The following ARHGAP32 variants were observed in gnomAD, a reference collection of about 807,000 sequenced individuals.
ARHGAP32 encodes rho GTPase-activating protein 32.
In ARHGAP32, 51 loss-of-function variants were observed where a neutral mutation model predicts 186.5. The ratio of observed to expected loss-of-function variants is 0.27; its 90% CI spans 0.22 to 0.35. ARHGAP32 has a LOEUF of 0.35. Ranked by LOEUF, ARHGAP32 falls within the 10% of genes least tolerant of loss-of-function variation. The pLI is 1.00. For missense variants in ARHGAP32, 2,186 were observed against 2,623.5 expected, an observed-to-expected ratio of 0.83 and a Z score of 3.64; for synonymous variants, 950 against 964.3, an observed-to-expected ratio of 0.99 and a Z score of 0.27.
At position 129,101,203 on chromosome 11, in the gene ARHGAP32, GA is replaced by G. The variant is rs906629751; in HGVS notation, c.445-7497del. On this transcript the variant is annotated intron_variant, in intron 5 of 22. Coordinates refer to ENST00000682385, the MANE Select transcript of ARHGAP32 (RefSeq NM_001378024.1). ...AGGTCATCAAATAGGATAAAAGGGG[GA>G]AAAAAAACATCCAAAGGCCAGCAAC... Among the ~76,000 whole-genome samples, 229 of 151,406 alleles carry G rather than the reference GA, an allele frequency of 1.5e-3. 1 individual carries two copies. The highest frequency in any genetic ancestry group is 5.0e-3 in the African/African-American group (207 of 41,282).
chr11:128,973,853 G>T (rs1205146793), intron 21 of ARHGAP32: 8 of 536,996 alleles, frequency 1.5e-5, no homozygotes, highest in Non-Finnish European at 2.3e-5. Flanking sequence ...CAAGAGCTAC[G>T]CAGTTGTGCA....
chr11:129,163,290 T>C (rs1452001346), intron 2 of ARHGAP32, among the ~76,000 whole-genome samples: 1 of 152,174 alleles, frequency 6.6e-6, no homozygotes, highest in Non-Finnish European at 1.5e-5. Context: ...CACTGACTCT[T>C]AACCACAGTT....
chr11:129,055,763 C>T (rs1360959993), intron 10 of ARHGAP32, among the ~76,000 whole-genome samples: 2 of 152,026 alleles, frequency 1.3e-5, no homozygotes, highest in Non-Finnish European at 2.9e-5. Context: ...GTGAAGGGTT[C>T]AGCAGGAAAG....
Position 129,123,030 on chromosome 11 carries a change from A to G in ARHGAP32, c.444+416T>C, listed in dbSNP as rs1942571102. On this transcript the variant is annotated intron_variant, in intron 5 of 22. Coordinates refer to ENST00000682385, the MANE Select transcript of ARHGAP32 (RefSeq NM_001378024.1). This position sits in a 1 kb window ranked among gnomAD's most constrained non-coding sequence, Gnocchi z 4.6. ...GATTCAATAATTTGTATGTGAATGAAAAGGCAGTAACAGTAAAAACATTTC... is the reference window on the plus strand; with the variant it reads ...GATTCAATAATTTGTATGTGAATGAGAAGGCAGTAACAGTAAAAACATTTC... 6.6e-6 allele frequency among the ~76,000 whole-genome samples: 1 copy of G among 152,256 alleles called. No homozygotes were observed. The highest frequency in any genetic ancestry group is 2.4e-5 in the African/African-American group (1 of 41,552).
chr11:128,986,145 CT>C, intron 14 of ARHGAP32, 60 bp from the exon 15 acceptor site: 1 of 1,317,818 alleles, frequency 7.6e-7, no homozygotes, highest in Non-Finnish European at 1.1e-6. Context: ...TGAAAGTTCA[CT>C]TACAATTCAG....
At chr11:129,278,971 G>A (rs1945572241) in intron 1 of ARHGAP32, among the ~76,000 whole-genome samples, 1 of 147,662 alleles carries the variant, frequency 6.8e-6, no homozygotes, top group Non-Finnish European at 1.5e-5. Context: ...CGGGAGGCCG[G>A]GGAGATGGGG....
chr11:129,062,524 T>C (rs1940542575), intron 9 of ARHGAP32, among the ~76,000 whole-genome samples, 167 bp from the exon 10 acceptor site: 1 of 152,206 alleles, frequency 6.6e-6, no homozygotes, highest in South Asian at 2.1e-4. Context: ...TTTAATTATC[T>C]TATGATTTGT....
At chr11:129,151,890 G>A (rs1277678948) in intron 2 of ARHGAP32, among the ~76,000 whole-genome samples, 1 of 151,938 alleles carries the variant, frequency 6.6e-6, no homozygotes, top group African/African-American at 2.4e-5. Context: ...AAATGAAGTG[G>A]AAACAACAAC....
intron 6 of ARHGAP32, among the ~76,000 whole-genome samples, chr11:129,084,347 G>GAA (rs1261258553): frequency 1.4e-4 from 10 of 73,702 alleles, no homozygotes; most frequent in African/African-American, 2.5e-4. Flanking sequence ...TAAGAAAAAA[G>GAA]AAAAAAAAAA....
chr11:129,115,774 T>C (rs1366828817), intron 5 of ARHGAP32, among the ~76,000 whole-genome samples: 2 of 151,972 alleles, frequency 1.3e-5, no homozygotes, highest in African/African-American at 4.8e-5. Context: ...GTTTTCTCTC[T>C]CCCCCAAGCC....
At chr11:129,220,139 A>ATCC (rs1944693868) in intron 1 of ARHGAP32, among the ~76,000 whole-genome samples, 1 of 152,196 alleles carries the variant, frequency 6.6e-6, no homozygotes, top group Non-Finnish European at 1.5e-5. Context: ...CCTATATCTG[A>ATCC]AACATTCTCC....
At chr11:129,255,371 C>T (rs985529767) in intron 1 of ARHGAP32, among the ~76,000 whole-genome samples, 4 of 152,016 alleles carry the variant, frequency 2.6e-5, no homozygotes, top group Admixed American at 6.6e-5. Context: ...TCACATCCTA[C>T]ACAAAAAGCA....
chr11:129,021,048 C>T (rs1938572039), intron 11 of ARHGAP32, among the ~76,000 whole-genome samples: 1 of 152,004 alleles, frequency 6.6e-6, no homozygotes, highest in Non-Finnish European at 1.5e-5. Context: ...AATTCATATA[C>T]ATGCAAGGCC....
chr11:129,274,644 T>G (rs1393163212), intron 1 of ARHGAP32, among the ~76,000 whole-genome samples: 6 of 152,174 alleles, frequency 3.9e-5, no homozygotes, highest in Non-Finnish European at 7.3e-5. Context: ...AACCAGCATT[T>G]GAAGTTGAGA....
At chr11:128,977,971 C>T (rs1945596881) in intron 19 of ARHGAP32, among the ~76,000 whole-genome samples, 2 of 151,790 alleles carry the variant, frequency 1.3e-5, no homozygotes, top group East Asian at 3.9e-4. Flanking sequence ...CCTGACTTGG[C>T]CTCCCAAAGT....
chr11:129,104,735 G>C (rs1478882262), intron 5 of ARHGAP32, among the ~76,000 whole-genome samples: 1 of 151,792 alleles, frequency 6.6e-6, no homozygotes, highest in Admixed American at 6.6e-5. Flanking sequence ...TGGTAAAGTA[G>C]GTGGCTACAA....
At position 128,965,781 on chromosome 11, in the gene ARHGAP32, C is replaced by T. The variant is rs1360045918; in HGVS notation, c.*3126G>A. The T allele has an allele frequency of 6.6e-6, 1 of 152,208 alleles. No homozygotes were observed. The highest frequency in any genetic ancestry group is 1.9e-4 in the East Asian group (1 of 5,194). 9.4% of individuals were successfully genotyped at this position (152,208 alleles called of 1,614,324 possible). On this transcript the variant is annotated 3_prime_UTR_variant, in exon 23 of 23. Transcript: ENST00000682385. ...AAAACAGAGAAATGGACTTTGCAGG[C>T]TCCTTCTTTAACTAAAGGGGCAAAT...
intron 1 of ARHGAP32, among the ~76,000 whole-genome samples, chr11:129,182,953 A>G (rs929873857): frequency 2.6e-5 from 4 of 152,048 alleles, no homozygotes; most frequent in African/African-American, 7.2e-5. Context: ...CGGCCTTAAA[A>G]AATTTTTTAT....
chr11:128,996,599 T>C (rs1457060326), intron 12 of ARHGAP32, among the ~76,000 whole-genome samples: 2 of 152,160 alleles, frequency 1.3e-5, no homozygotes, highest in Admixed American at 1.3e-4. Flanking sequence ...AAGTGTGAAT[T>C]TTTTTCAAAA....
Sources: gnomAD v4.1 joint callset for allele counts (sites outside exome capture counted in the v4.1 genomes callset) on GRCh38, gnomAD v4.1.1 for gene constraint, Gnocchi (gnomAD v3.1) non-coding constraint, MANE v1.5 for transcripts, NCBI Gene and HGNC (gene_info 2026-07-23, HGNC 2026-07-21) for gene names.